The following TMTC2 variants were observed in gnomAD, a reference collection of about 807,000 sequenced individuals.
The protein encoded by TMTC2 is transmembrane O-mannosyltransferase targeting cadherins 2.
Under a neutral mutation model 82.4 loss-of-function variants are expected in TMTC2, and 43 were observed. The ratio of observed to expected loss-of-function variants is 0.52; its 90% confidence interval spans 0.41 to 0.67. The LOEUF (loss-of-function observed/expected upper bound fraction) is 0.67, where lower values mean the gene tolerates loss of function less well. Among genes scored for constraint, TMTC2 ranks in the 30% least tolerant of loss-of-function variants. The pLI is 0.00. For synonymous variants in TMTC2, 408 were observed against 381.9 expected, an observed-to-expected ratio of 1.07 and a Z score of -0.80; for missense variants, 919 against 1,012.4, an observed-to-expected ratio of 0.91 and a Z score of 1.25.
At chr12:82,858,856 A>T (rs1171397856) in intron 2 of TMTC2, among the ~76,000 whole-genome samples, 2 of 152,176 alleles carry the variant, frequency 1.3e-5, no homozygotes, top group Non-Finnish European at 2.9e-5. Flanking sequence ...TTTCAAATCA[A>T]TTTTAATTCT....
chr12:82,703,402 G>A (rs1873176115), intron 1 of TMTC2, among the ~76,000 whole-genome samples: 1 of 151,840 alleles, frequency 6.6e-6, no homozygotes, highest in Non-Finnish European at 1.5e-5. Context: ...TTCCTTTTAT[G>A]ATATAGAGGA....
chr12:83,117,561 T>TA (rs1190748318), intron 11 of TMTC2, among the ~76,000 whole-genome samples: 1 of 152,208 alleles, frequency 6.6e-6, no homozygotes, highest in Non-Finnish European at 1.5e-5. Flanking sequence ...ACTATGGCCT[T>TA]ATAGTGTAGT....
intron 1 of TMTC2, among the ~76,000 whole-genome samples, chr12:82,768,068 T>TATC (rs1877074664): frequency 6.6e-6 from 1 of 152,158 alleles, no homozygotes; most frequent in Non-Finnish European, 1.5e-5. Context: ...CAGAGCAGTT[T>TATC]ATCTCCCTGT....
intron 1 of TMTC2, among the ~76,000 whole-genome samples, chr12:82,807,320 A>T (rs1162160691): frequency 6.6e-6 from 1 of 152,154 alleles, no homozygotes; most frequent in Non-Finnish European, 1.5e-5. Flanking sequence ...AGACAGCTTA[A>T]ACCAGAGTGT....
chr12:82,947,027 C>T (rs1877046358), intron 4 of TMTC2, among the ~76,000 whole-genome samples: 1 of 151,964 alleles, frequency 6.6e-6, no homozygotes, highest in South Asian at 2.1e-4. Flanking sequence ...CAGACGTGAG[C>T]CACCGCACCC....
intron 1 of TMTC2, among the ~76,000 whole-genome samples, chr12:82,752,804 T>G (rs1389899573): frequency 2.0e-5 from 3 of 152,146 alleles, no homozygotes; most frequent in Non-Finnish European, 4.4e-5. Flanking sequence ...ATCAAGATTT[T>G]TAGGGAGCTA....
chr12:83,055,975 A>G (rs897524378), intron 10 of TMTC2, among the ~76,000 whole-genome samples: 2 of 151,922 alleles, frequency 1.3e-5, no homozygotes, highest in Admixed American at 1.3e-4. Flanking sequence ...TTAATGTAGT[A>G]TGATACTGTT....
chr12:82,986,221 T>G (rs1172825531), intron 8 of TMTC2, 175 bp downstream of exon 8: 1 of 791,384 alleles, frequency 1.3e-6, no homozygotes, highest in African/African-American at 1.7e-5. Flanking sequence ...ACTTTGCCTA[T>G]GAGGTTTGGT....
chr12:83,070,245 G>T lies in TMTC2; in HGVS notation c.2331+8414G>T, dbSNP rs981464777. ...AAGAAGGATGGTGGTATTTTGATGG[G>T]GATTGCATTTAATTTTTTGATTGCT... On this transcript the variant is annotated intron_variant, in intron 11 of 11. Coordinates refer to ENST00000321196, the MANE Select transcript of TMTC2 (RefSeq NM_152588.3). Among the ~76,000 whole-genome samples the T allele has an allele frequency of 1.1e-4, 17 of 151,894 alleles. 1 individual carries two copies. Among genetic ancestry groups the T allele is most frequent in the Non-Finnish European group, 4.4e-5 (3 of 67,988 alleles).
intron 1 of TMTC2, among the ~76,000 whole-genome samples, chr12:82,770,273 T>G (rs1317102629): frequency 1.3e-5 from 2 of 152,192 alleles, no homozygotes; most frequent in Non-Finnish European, 2.9e-5. Context: ...CATAGACATA[T>G]GCATTTGATG....
chr12:82,842,583 A>G (rs1447473136), intron 1 of TMTC2, among the ~76,000 whole-genome samples: 10 of 152,282 alleles, frequency 6.6e-5, no homozygotes, highest in East Asian at 1.9e-4. Context: ...TACTGTCTCT[A>G]TGGTATAGTA....
chr12:83,025,471 A>T (rs1881124727), intron 8 of TMTC2, among the ~76,000 whole-genome samples: 1 of 151,878 alleles, frequency 6.6e-6, no homozygotes, highest in Admixed American at 6.6e-5. Flanking sequence ...TATACTCTCA[A>T]CCTAAAACAC....
intron 11 of TMTC2, among the ~76,000 whole-genome samples, chr12:83,066,298 T>C (rs558992284): frequency 4.0e-5 from 6 of 151,858 alleles, no homozygotes; most frequent in South Asian, 4.2e-4. Flanking sequence ...AAGGTTGAAA[T>C]GATAGGATGC....
chr12:83,008,113 G>T (rs1048064034), intron 8 of TMTC2, among the ~76,000 whole-genome samples: 1 of 152,200 alleles, frequency 6.6e-6, no homozygotes, highest in Non-Finnish European at 1.5e-5. Context: ...TTGCAGATTT[G>T]CCATTGAAAG....
intron 3 of TMTC2, among the ~76,000 whole-genome samples, chr12:82,897,884 C>T (rs938542446): frequency 2.6e-5 from 4 of 152,038 alleles, no homozygotes; most frequent in Non-Finnish European, 5.9e-5. Context: ...TTTTTCTACT[C>T]TTTCCAACAC....
chr12:82,826,225 C>T (rs7296463), intron 1 of TMTC2, among the ~76,000 whole-genome samples: 8,354 of 152,122 alleles, frequency 0.055, 767 homozygotes, highest in African/African-American at 0.19. Flanking sequence ...TATGTATATC[C>T]GGTACTCATC....
intron 1 of TMTC2, among the ~76,000 whole-genome samples, chr12:82,750,443 G>A (rs1875926157): frequency 6.6e-6 from 1 of 151,916 alleles, no homozygotes; most frequent in African/African-American, 2.4e-5. Context: ...TTGGCAATTG[G>A]CATTCTGCAC....
At chr12:83,097,355 A>G (rs1343867475) in intron 11 of TMTC2, among the ~76,000 whole-genome samples, 1 of 152,232 alleles carries the variant, frequency 6.6e-6, no homozygotes, top group Non-Finnish European at 1.5e-5. Flanking sequence ...AGCTGAACTT[A>G]TAAGTCACAA....
chr12:83,058,529 A>G (rs1238969709), intron 10 of TMTC2, among the ~76,000 whole-genome samples: 3 of 151,802 alleles, frequency 2.0e-5, no homozygotes, highest in Non-Finnish European at 2.9e-5. Flanking sequence ...ATGAGAAAGG[A>G]GCCTCCGTCT....
Sources: gnomAD v4.1 joint callset for allele counts (sites outside exome capture counted in the v4.1 genomes callset) on GRCh38, gnomAD v4.1.1 for gene constraint, MANE v1.5 for transcripts, NCBI Gene and HGNC (gene_info 2026-07-23, HGNC 2026-07-21) for gene names.